WDR25: variants seen among roughly 807,000 people sequenced by gnomAD.
The protein encoded by WDR25 is WD repeat-containing protein 25.
A neutral mutation model predicts 47.7 loss-of-function variants in WDR25; 35 were observed. The observed-to-expected ratio is 0.73, with a 90% CI of 0.56 to 0.97. The LOEUF (loss-of-function observed/expected upper bound fraction) is 0.97, where lower values mean the gene tolerates loss of function less well. Among genes scored for constraint, WDR25 ranks in the 50% least tolerant of loss-of-function variants. The pLI is 0.00. For missense variants in WDR25, 634 were observed against 704.7 expected (o/e 0.90, Z 1.14); for synonymous variants, 248 against 278.9 (o/e 0.89, Z 1.10).
chr14:100,472,849 A>G (rs1363352708), intron 3 of WDR25, among the ~76,000 whole-genome samples: 1 of 152,166 alleles, frequency 6.6e-6, no homozygotes, highest in African/African-American at 2.4e-5. Flanking sequence ...CCCTCTCCAG[A>G]GCCCCAGGCA....
At chr14:100,389,089 C>G (rs1566885190) in intron 2 of WDR25, among the ~76,000 whole-genome samples, 1 of 152,150 alleles carries the variant, frequency 6.6e-6, no homozygotes, top group East Asian at 1.9e-4. Context: ...TTGTCTAATG[C>G]CCAGTGATGG....
intron 2 of WDR25, among the ~76,000 whole-genome samples, chr14:100,401,892 A>C (rs965152013): frequency 6.6e-6 from 1 of 152,168 alleles, no homozygotes; most frequent in Non-Finnish European, 1.5e-5. Flanking sequence ...GATTTTTAGC[A>C]TGGACACTTT....
In WDR25 at chr14:100,392,983, G is replaced by T. The variant is rs763765802; in HGVS notation, c.822+11237G>T. Among the ~76,000 whole-genome samples the T allele has an allele frequency of 6.6e-6, 1 of 152,176 alleles. No homozygotes were observed. Among genetic ancestry groups the T allele is most frequent in the South Asian group, 2.1e-4 (1 of 4,832 alleles). The stretch of plus-strand genomic sequence containing the variant: ...GATTATACCAATTTGCACTGCCACC[G>T]CAAAGCTTGCGGTGTTGGTAATAAC... On this transcript the variant is annotated intron_variant, in intron 2 of 6. Coordinates refer to ENST00000402312, the MANE Select transcript of WDR25 (RefSeq NM_001161476.3). The surrounding 1 kb of genome is among the most constrained non-coding windows in gnomAD (Gnocchi z 4.2).
chr14:100,451,990 T>C (rs1257195047), intron 2 of WDR25, among the ~76,000 whole-genome samples: 1 of 152,186 alleles, frequency 6.6e-6, no homozygotes, highest in Non-Finnish European at 1.5e-5. Flanking sequence ...TGTCCATCTG[T>C]CCTTCTATCT....
At position 100,381,322 on chromosome 14, in the gene WDR25, G is replaced by A. The variant is rs376558890; in HGVS notation, c.398G>A (p.Arg133His). 4.3e-6 allele frequency: 7 copies of A among 1,614,210 alleles called. No homozygotes were observed. The highest frequency in any genetic ancestry group is 5.9e-6 in the Non-Finnish European group (7 of 1,180,032). The change falls in exon 2 of 7, where the codon CGC (arginine) becomes CAC (histidine). Residue 133 changes from arginine to histidine, a missense_variant. Arg to His is a conservative substitution (Grantham distance 29). Coordinates refer to ENST00000402312, the MANE Select transcript of WDR25 (RefSeq NM_001161476.3). ...PASHMPLAAA[R>H]FKQVKLSRNF... ...AGCCACATGCCCCTGGCAGCTGCCC[G>A]CTTTAAGCAAGTAAAACTCTCCAGG...
At chr14:100,454,481 G>T in intron 2 of WDR25, 1 of 1,269,286 alleles carries the variant, frequency 7.9e-7, no homozygotes, top group Non-Finnish European at 1.0e-6. Context: ...AGTTCTGGCA[G>T]ACTAACCCTC....
At chr14:100,480,768 T>C (rs1900171305) in intron 3 of WDR25, among the ~76,000 whole-genome samples, 1 of 152,204 alleles carries the variant, frequency 6.6e-6, no homozygotes. Flanking sequence ...AATGCAATTA[T>C]TAACCTGATT....
intron 2 of WDR25, among the ~76,000 whole-genome samples, chr14:100,415,158 G>T (rs1044093610): frequency 1.3e-5 from 2 of 152,186 alleles, no homozygotes; most frequent in Non-Finnish European, 2.9e-5. Context: ...TTTGGCTTAA[G>T]CTACTAAGGA....
chr14:100,378,102 C>A (rs1323714880), intron 1 of WDR25, among the ~76,000 whole-genome samples: 1 of 152,178 alleles, frequency 6.6e-6, no homozygotes, highest in East Asian at 1.9e-4. Flanking sequence ...TAAAAAATTA[C>A]CAAAGCACTT....
chr14:100,411,374 C>T (rs1897702677), intron 2 of WDR25, among the ~76,000 whole-genome samples: 1 of 152,068 alleles, frequency 6.6e-6, no homozygotes, highest in African/African-American at 2.4e-5. Context: ...ACTCCTAGGC[C>T]AAAACAAACA....
intron 2 of WDR25, among the ~76,000 whole-genome samples, chr14:100,459,900 A>ATATGTG (rs1566920225): frequency 5.5e-4 from 20 of 36,286 alleles, no homozygotes; most frequent in African/African-American, 1.9e-3. Flanking sequence ...GTGTGTATAT[A>ATATGTG]TATATATATA....
chr14:100,383,178 C>A (rs1465187587), intron 2 of WDR25, among the ~76,000 whole-genome samples: 1 of 152,188 alleles, frequency 6.6e-6, no homozygotes, highest in Non-Finnish European at 1.5e-5. Flanking sequence ...TCTTTTCTAG[C>A]AAGACTCAGA....
chr14:100,415,123 T>C (rs949918684), intron 2 of WDR25, among the ~76,000 whole-genome samples: 4 of 151,916 alleles, frequency 2.6e-5, no homozygotes, highest in Non-Finnish European at 4.4e-5. Flanking sequence ...CTGGATGATG[T>C]TGGGAGTCAA....
intron 2 of WDR25, among the ~76,000 whole-genome samples, chr14:100,447,922 G>A (rs1032325164): frequency 6.6e-6 from 1 of 152,188 alleles, no homozygotes; most frequent in Non-Finnish European, 1.5e-5. Context: ...GGCTGGGCGT[G>A]GTGGCTCACG....
rs553454328 is a variant in WDR25 at position 100,523,347 on chromosome 14, C to T, written c.1102-2523C>T. 2.0e-5 allele frequency among the ~76,000 whole-genome samples: 3 copies of T among 152,234 alleles called. No individual in the cohort carries two copies. The South Asian group carries it at 6.2e-4, about 32-fold the overall frequency. ...GGGCAGCTAAGGGAGCACAGGGTTG[C>T]GTGTGAGCCCAGAGCAGTGCCTCCC... On this transcript the variant is annotated intron_variant, in intron 4 of 6. Transcript: ENST00000402312. This position sits in a 1 kb window ranked among gnomAD's most constrained non-coding sequence, Gnocchi z 4.7.
At position 100,428,530 on chromosome 14, in the gene WDR25, C is replaced by T. The variant is rs1376494545; in HGVS notation, c.823-39491C>T. 1.3e-5 allele frequency among the ~76,000 whole-genome samples: 2 copies of T among 152,258 alleles called. No homozygotes were observed. The highest frequency in any genetic ancestry group is 4.1e-4 in the South Asian group (2 of 4,826). On this transcript the variant is annotated intron_variant, in intron 2 of 6. Transcript: ENST00000402312. This position sits in a 1 kb window ranked among gnomAD's most constrained non-coding sequence, Gnocchi z 4.3. Reference sequence around the variant, plus strand: ...GCTGCACATGGTGCCTGTCTCTCTGCGTTCTTAGTGGAGGTGGCCCCTGTG... The same window carrying T: ...GCTGCACATGGTGCCTGTCTCTCTGTGTTCTTAGTGGAGGTGGCCCCTGTG...
Position 100,473,463 on chromosome 14 carries a change from C to T in WDR25, c.970+5295C>T, listed in dbSNP as rs553939921. On this transcript the variant is annotated intron_variant, in intron 3 of 6. Coordinates refer to ENST00000402312, the MANE Select transcript of WDR25 (RefSeq NM_001161476.3). ...ACAAACAGGGAAACAATGGGGAACC[C>T]AACTTAACCTGACTCCTGGGGAGCC... Among the ~76,000 whole-genome samples the T allele has an allele frequency of 2.2e-4, 34 of 152,300 alleles. No homozygotes were observed. The South Asian group carries it at 6.6e-3, about 30-fold the overall frequency.
Position 100,529,441 on chromosome 14 carries a change from A to T in WDR25, c.1413+233A>T. On this transcript the variant is annotated intron_variant, in intron 6 of 6. Transcript: ENST00000402312. This position sits in a 1 kb window ranked among gnomAD's most constrained non-coding sequence, Gnocchi z 5.1. Reference sequence around the variant, plus strand: ...AGGAAGCAGTAGTTGGCTCACACAGACAGGTCTCAGAAGTGGGGGGCAGGA... The same window carrying T: ...AGGAAGCAGTAGTTGGCTCACACAGTCAGGTCTCAGAAGTGGGGGGCAGGA... The T allele has an allele frequency of 1.5e-6, 1 of 648,786 alleles. No individual in the cohort carries two copies. The highest frequency in any genetic ancestry group is 2.6e-6 in the Non-Finnish European group (1 of 382,286). 40.2% of individuals were successfully genotyped at this position (648,786 alleles called of 1,614,324 possible).
At chr14:100,402,432 G>C (rs946493613) in intron 2 of WDR25, among the ~76,000 whole-genome samples, 1 of 152,088 alleles carries the variant, frequency 6.6e-6, no homozygotes, top group African/African-American at 2.4e-5. Flanking sequence ...ATCTGGGCTA[G>C]GAGTGACTCG....
Sources: gnomAD v4.1 joint callset for allele counts (sites outside exome capture counted in the v4.1 genomes callset) on GRCh38, gnomAD v4.1.1 for gene constraint, Gnocchi (gnomAD v3.1) non-coding constraint, MANE v1.5 for transcripts, NCBI Gene and HGNC (gene_info 2026-07-23, HGNC 2026-07-21) for gene names.